The following ZFP28 variants were observed in gnomAD, a reference collection of about 807,000 sequenced individuals.
ZFP28 encodes ZFP28 zinc finger protein.
ZFP28 carries 31 observed loss-of-function variants against 39.5 expected under a neutral mutation model. The ratio of observed to expected loss-of-function variants is 0.79; its 90% confidence interval spans 0.59 to 1.06. The LOEUF (loss-of-function observed/expected upper bound fraction) is 1.06, where lower values mean the gene tolerates loss of function less well. Ranked by LOEUF, ZFP28 falls within the 50% of genes least tolerant of loss-of-function variation. The pLI is 0.00. For missense variants in ZFP28, 925 were observed against 1,048.4 expected (o/e 0.88, Z 1.63); for synonymous variants, 400 against 378.6 (o/e 1.06, Z -0.66).
Position 56,547,866 on chromosome 19 carries a change from A to T in ZFP28, c.487A>T (p.Thr163Ser), listed in dbSNP as rs146591427. ...GTTGGAACAAGGAAAAGAGCCTTGG[A>T]CAGTGAAGCGAAAGATGACAAGAGC... ...SSLEQGKEPWTVKRKMTRAWC... is the reference protein window; with the variant it reads ...SSLEQGKEPWSVKRKMTRAWC... The change falls in exon 4 of 8, where the codon ACA becomes TCA. Residue 163 changes from threonine to serine, a missense_variant. Thr to Ser is a moderately conservative substitution (Grantham distance 58). Transcript: ENST00000301318. This position sits in a 1 kb window ranked among gnomAD's most constrained non-coding sequence, Gnocchi z 4.6. 170 of 1,614,194 alleles carry T rather than the reference A, an allele frequency of 1.1e-4. No individual in the cohort carries two copies. In the Admixed American group the frequency reaches 1.3e-3, roughly 12 times the overall value.
intron 5 of ZFP28, 138 bp downstream of exon 5, chr19:56,549,259 C>T: frequency 2.0e-6 from 2 of 1,000,716 alleles, no homozygotes; most frequent in Admixed American, 6.5e-5. Flanking sequence ...CAGATTATCC[C>T]CTCAGAACAG....
In ZFP28 at chr19:56,539,023, G is replaced by A. The variant is rs541673443; in HGVS notation, c.5G>A (p.Arg2Gln). 1.8e-5 allele frequency: 25 copies of A among 1,428,528 alleles called. 1 individual carries two copies. The South Asian group carries it at 3.5e-4, about 20-fold the overall frequency. 88.5% of individuals were successfully genotyped at this position (1,428,528 alleles called of 1,614,324 possible). ...CGTCGCGCGGCCTCGGGTGACATGC[G>A]GGGGGCGGCGAGCGCGAGTGTCCGC... M[R>Q]GAASASVREP... is the part of the protein sequence containing the mutation. Residue 2 changes from arginine to glutamine, a missense_variant, in exon 1 of 8, where the codon CGG becomes CAG. Around this residue, in one of 2 missense-constraint regions of ZFP28, gnomAD observed 556 missense variants for 542.9 expected, o/e 1.02. Coordinates refer to ENST00000301318, the MANE Select transcript of ZFP28 (RefSeq NM_020828.2).
chr19:56,550,000 A>C, intron 5 of ZFP28, 67 bp from the exon 6 acceptor site: 2 of 1,340,364 alleles, frequency 1.5e-6, no homozygotes, highest in Non-Finnish European at 2.1e-6. Context: ...GACACAGTCC[A>C]TCCCACTGAG....
chr19:56,542,862 C>T (rs1675648415), intron 2 of ZFP28, among the ~76,000 whole-genome samples: 1 of 152,102 alleles, frequency 6.6e-6, no homozygotes, highest in Non-Finnish European at 1.5e-5. Context: ...AACTCCGGGC[C>T]TCAAGCAATC....
At chr19:56,548,048 A>G (rs764863796) in intron 4 of ZFP28, 146 bp downstream of exon 4, 6 of 660,260 alleles carry the variant, frequency 9.1e-6, no homozygotes, top group African/African-American at 1.8e-5. Context: ...CAGAAATTTC[A>G]ACTACAGTAT....
At chr19:56,538,796 GC>G (rs2044160238), upstream of ZFP28, among the ~76,000 whole-genome samples, 1 of 109,348 alleles carries the variant, frequency 9.1e-6, no homozygotes, top group Admixed American at 8.6e-5. Context: ...GCGGGGCGGG[GC>G]GGGGCGGGGC....
chr19:56,538,262 T>G (rs2044152720), upstream of ZFP28: 1 of 152,176 alleles, frequency 6.6e-6, no homozygotes, highest in Non-Finnish European at 1.5e-5. Context: ...CCCATCAGAG[T>G]GATCCTCCGG....
chr19:56,541,279 C>A (rs1173985103), intron 2 of ZFP28, among the ~76,000 whole-genome samples: 1 of 152,114 alleles, frequency 6.6e-6, no homozygotes, highest in East Asian at 1.9e-4. Context: ...TCATTTCTTG[C>A]CTTTTCCTTC....
At chr19:56,542,765 TTTTG>T (rs144328886) in intron 2 of ZFP28, among the ~76,000 whole-genome samples, 35,957 of 151,666 alleles carry the variant, frequency 0.24, 4,417 homozygotes, top group East Asian at 0.51. Flanking sequence ...GATTTTTTTA[TTTTG>T]TTTTTTTGCT....
At position 56,556,701 on chromosome 19, in the gene ZFP28, C is replaced by T. The variant is rs538852366; in HGVS notation, c.*1309C>T. The stretch of plus-strand genomic sequence containing the variant: ...AACTGTCACATCAGAAACAAGAAAA[C>T]AAATGATAAAGGAACTCATTTATCA... On this transcript the variant is annotated 3_prime_UTR_variant, in exon 8 of 8. Coordinates refer to ENST00000301318, the MANE Select transcript of ZFP28 (RefSeq NM_020828.2). The T allele has an allele frequency of 6.6e-6, 1 of 151,724 alleles. No homozygotes were observed. Among genetic ancestry groups the T allele is most frequent in the Non-Finnish European group, 1.5e-5 (1 of 67,928 alleles). 9.4% of individuals were successfully genotyped at this position (151,724 alleles called of 1,614,324 possible). A position where few individuals can be genotyped will look rare whatever the true frequency, so the allele number is the denominator to read the frequency against.
In ZFP28 at chr19:56,554,354, C is replaced by G. The variant is rs373172072; in HGVS notation, c.1569C>G (p.His523Gln). The change falls in exon 8 of 8, where the codon CAC (histidine) becomes CAG (glutamine). Residue 523 changes from histidine to glutamine, a missense_variant. His to Gln is a conservative substitution (Grantham distance 24). Coordinates refer to ENST00000301318, the MANE Select transcript of ZFP28 (RefSeq NM_020828.2). The surrounding 1 kb of genome is among the most constrained non-coding windows in gnomAD (Gnocchi z 6.7). The part of the protein sequence containing the change: ...AFSDHIGLNQ[H>Q]RRIHTGEKPY... Reference sequence around the variant, plus strand: ...GTGACCACATAGGGCTTAATCAACACAGGAGAATTCATACTGGAGAGAAAC... The same window carrying G: ...GTGACCACATAGGGCTTAATCAACAGAGGAGAATTCATACTGGAGAGAAAC... The G allele has an allele frequency of 6.2e-7, 1 of 1,614,040 alleles. No homozygotes were observed. The highest frequency in any genetic ancestry group is 8.5e-7 in the Non-Finnish European group (1 of 1,180,006).
chr19:56,544,750 G>A (rs1016923314), intron 2 of ZFP28: 4 of 152,324 alleles, frequency 2.6e-5, no homozygotes, highest in South Asian at 2.1e-4. Flanking sequence ...ATAGAATTGC[G>A]TCTGAAGTGT....
chr19:56,552,000 A>G (rs1448499531), intron 7 of ZFP28: 1 of 958,136 alleles, frequency 1.0e-6, no homozygotes, highest in African/African-American at 1.8e-5. Context: ...ATAGTCCAGT[A>G]TATTATTTCT....
At chr19:56,551,764 T>C (rs555750694) in intron 7 of ZFP28, 2 of 984,700 alleles carry the variant, frequency 2.0e-6, no homozygotes, top group South Asian at 4.7e-5. Context: ...GAACATTTTT[T>C]CGTAAATTTG....
At chr19:56,551,103 C>G (rs2044297823) in intron 7 of ZFP28, 1 of 1,039,122 alleles carries the variant, frequency 9.6e-7, no homozygotes, top group African/African-American at 1.7e-5. Context: ...TTATGGATAG[C>G]TTGCATGAAG....
chr19:56,555,717 G>C lies in ZFP28; in HGVS notation c.*325G>C, dbSNP rs867362610. ...TAGGAAAAAGCACATTTTCTATCAG[G>C]AACAGAATTCTCCAGTAGTGGGTGA... On this transcript the variant is annotated 3_prime_UTR_variant, in exon 8 of 8. Transcript: ENST00000301318. 15 of 237,898 alleles carry C rather than the reference G, an allele frequency of 6.3e-5. 1 individual carries two copies. Among genetic ancestry groups the C allele is most frequent in the Middle Eastern group, 2.8e-3 (2 of 710 alleles). The allele number at this position is 237,898 out of a possible 1,614,324, so 14.7% of individuals were successfully genotyped here.
At chr19:56,550,481 C>G (rs749849258) in intron 6 of ZFP28, 29 bp from the exon 7 acceptor site, 1 of 1,599,614 alleles carries the variant, frequency 6.3e-7, no homozygotes, top group Non-Finnish European at 8.6e-7. Flanking sequence ...AGACTATTGG[C>G]CAAACCTCAT....
chr19:56,550,435 A>G (rs1224255235), intron 6 of ZFP28, 75 bp from the exon 7 acceptor site: 7 of 1,294,198 alleles, frequency 5.4e-6, no homozygotes, highest in South Asian at 4.0e-5. Flanking sequence ...ACACTTTTCT[A>G]TCAACAAGGA....
At chr19:56,537,475 TA>T (rs2044144530), upstream of ZFP28, among the ~76,000 whole-genome samples, 8 of 152,298 alleles carry the variant, frequency 5.3e-5, no homozygotes, top group Admixed American at 5.2e-4. Context: ...AGGTGAGTAT[TA>T]TAAGCTGGGC....
Sources: allele counts gnomAD v4.1 joint callset (sites outside exome capture counted in the v4.1 genomes callset), GRCh38; gene constraint gnomAD v4.1.1; regional missense constraint gnomAD v4.1.1; non-coding constraint Gnocchi (gnomAD v3.1); transcripts MANE v1.5; gene names NCBI Gene and HGNC (gene_info 2026-07-23, HGNC 2026-07-21).